Variants in RAPGEF2 observed in about 807,000 individuals in gnomAD.
RAPGEF2 encodes the protein Rap guanine nucleotide exchange factor 2, also known as PDZ domain containing guanine nucleotide exchange factor (GEF) 1.
RAPGEF2 carries 54 observed loss-of-function variants against 186.7 expected under a neutral mutation model. The ratio of observed to expected loss-of-function variants is 0.29; its 90% CI spans 0.23 to 0.36. The LOEUF is 0.36. RAPGEF2 is among the 10% of genes least tolerant of loss of function. The pLI is 1.00. For synonymous variants in RAPGEF2, 712 were observed against 705.9 expected, an observed-to-expected ratio of 1.01 and a Z score of -0.14; for missense variants, 1,532 against 2,045.0, an observed-to-expected ratio of 0.75 and a Z score of 4.84.
At chr4:159,294,682 C>CCTTCCTTCCTTCCTTCCTTG (rs1177593819) in intron 7 of RAPGEF2, among the ~76,000 whole-genome samples, 2 of 151,474 alleles carry the variant, frequency 1.3e-5, no homozygotes, top group Non-Finnish European at 2.9e-5. Context: ...TTCCTTCCTT[C>CCTTCCTTCCTTCCTTCCTTG]CTTCCTTCTT....
At chr4:159,142,250 G>C (rs776066810) in intron 1 of RAPGEF2, among the ~76,000 whole-genome samples, 1 of 152,140 alleles carries the variant, frequency 6.6e-6, no homozygotes, top group Admixed American at 6.5e-5. Flanking sequence ...GTTGTCGTCA[G>C]AAGTTAATGG....
chr4:159,141,867 A>C (rs2111164960), intron 1 of RAPGEF2, among the ~76,000 whole-genome samples: 1 of 152,274 alleles, frequency 6.6e-6, no homozygotes, highest in Admixed American at 6.5e-5. Context: ...TACTTCAGTT[A>C]TAAATAATTT....
intron 7 of RAPGEF2, among the ~76,000 whole-genome samples, chr4:159,299,451 G>A (rs973230286): frequency 3.3e-5 from 5 of 150,158 alleles, no homozygotes; most frequent in Admixed American, 6.6e-5. Flanking sequence ...AAAAGACAGA[G>A]AGAATAAGCC....
intron 8 of RAPGEF2, among the ~76,000 whole-genome samples, chr4:159,312,156 T>G (rs566853237): frequency 6.6e-6 from 1 of 152,152 alleles, no homozygotes; most frequent in Non-Finnish European, 1.5e-5. Flanking sequence ...TTGCATACAT[T>G]AGATGTTTTA....
At chr4:159,168,464 C>G (rs1745564990) in intron 1 of RAPGEF2, among the ~76,000 whole-genome samples, 1 of 151,690 alleles carries the variant, frequency 6.6e-6, no homozygotes, top group Non-Finnish European at 1.5e-5. Context: ...CTCCCCAGTT[C>G]ATTGCAAAGG....
At chr4:159,144,094 C>G (rs373130141) in intron 1 of RAPGEF2, among the ~76,000 whole-genome samples, 4 of 152,184 alleles carry the variant, frequency 2.6e-5, no homozygotes, top group Non-Finnish European at 4.4e-5. Context: ...AGAGTCCTCC[C>G]TTTAACCTGG....
At chr4:159,307,966 G>A (rs186584725) in intron 8 of RAPGEF2, among the ~76,000 whole-genome samples, 1,711 of 152,166 alleles carry the variant, frequency 0.011, 28 homozygotes, top group East Asian at 0.054. Flanking sequence ...GCAAGACTCC[G>A]TCTCAAAAAA....
intron 17 of RAPGEF2, among the ~76,000 whole-genome samples, chr4:159,336,817 A>G (rs1176800254): frequency 6.6e-6 from 1 of 152,130 alleles, no homozygotes; most frequent in East Asian, 1.9e-4. Context: ...TCAAGCCCCA[A>G]TGTGTGAAAA....
chr4:159,128,343 A>G (rs921402436), intron 1 of RAPGEF2, among the ~76,000 whole-genome samples: 1 of 152,140 alleles, frequency 6.6e-6, no homozygotes, highest in African/African-American at 2.4e-5. Flanking sequence ...TCTCACCTGT[A>G]AAATGGAACA....
chr4:159,158,638 A>G (rs1457273990), intron 1 of RAPGEF2, among the ~76,000 whole-genome samples: 1 of 152,152 alleles, frequency 6.6e-6, no homozygotes, highest in African/African-American at 2.4e-5. Flanking sequence ...GGTGGTCGCA[A>G]ACAAAAAAAA....
At chr4:159,189,562 G>A (rs1178448244) in intron 2 of RAPGEF2, among the ~76,000 whole-genome samples, 2 of 152,172 alleles carry the variant, frequency 1.3e-5, no homozygotes, top group Non-Finnish European at 2.9e-5. Flanking sequence ...AGAGCCTGCT[G>A]AAATAAAATA....
intron 7 of RAPGEF2, among the ~76,000 whole-genome samples, chr4:159,250,880 C>T (rs962238741): frequency 1.3e-5 from 2 of 152,076 alleles, no homozygotes; most frequent in African/African-American, 4.8e-5. Flanking sequence ...CTGGGCTGGG[C>T]GTGGCCGGAG....
chr4:159,305,295 A>G (rs1034789674), intron 8 of RAPGEF2, among the ~76,000 whole-genome samples: 3 of 152,164 alleles, frequency 2.0e-5, no homozygotes, highest in Non-Finnish European at 4.4e-5. Flanking sequence ...TTACATTCCC[A>G]CCAGCTGCAT....
chr4:159,174,622 C>G (rs1746261967), intron 1 of RAPGEF2, among the ~76,000 whole-genome samples: 1 of 152,158 alleles, frequency 6.6e-6, no homozygotes, highest in South Asian at 2.1e-4. Context: ...GTGGAAAACA[C>G]TTGAGGAAGT....
At chr4:159,106,162 T>C (rs1737857336) in intron 1 of RAPGEF2, among the ~76,000 whole-genome samples, 1 of 152,244 alleles carries the variant, frequency 6.6e-6, no homozygotes, top group South Asian at 2.1e-4. Flanking sequence ...GAAAGCTTTA[T>C]TGACAGTCGG....
intron 7 of RAPGEF2, among the ~76,000 whole-genome samples, chr4:159,252,383 T>A (rs1051051333): frequency 4.6e-5 from 7 of 152,188 alleles, no homozygotes; most frequent in Non-Finnish European, 7.4e-5. Context: ...TTAAAAAAAA[T>A]GTTTCAATCA....
chr4:159,310,416 T>C (rs992111779), intron 8 of RAPGEF2, among the ~76,000 whole-genome samples: 9 of 152,158 alleles, frequency 5.9e-5, no homozygotes, highest in Non-Finnish European at 8.8e-5. Flanking sequence ...AAGTGCTTAC[T>C]GATAAAACAT....
At chr4:159,198,395 C>CCTCTCTCTTCCTCT (rs1749039130) in intron 3 of RAPGEF2, among the ~76,000 whole-genome samples, 1 of 122,358 alleles carries the variant, frequency 8.2e-6, no homozygotes, top group Admixed American at 7.9e-5. Context: ...TTCCTTCCTT[C>CCTCTCTCTTCCTCT]CTCTCTCTTC....
chr4:159,330,263 A>ATGTGTGTG (rs1278340762), intron 12 of RAPGEF2, 71 bp from the exon 13 acceptor site: 15 of 410,488 alleles, frequency 3.7e-5, no homozygotes, highest in African/African-American at 2.8e-4. Flanking sequence ...GTGTATATGT[A>ATGTGTGTG]TATGTGTGTG....
Sources: allele counts gnomAD v4.1 joint callset (sites outside exome capture counted in the v4.1 genomes callset), GRCh38; gene constraint gnomAD v4.1.1; transcripts MANE v1.5; gene names NCBI Gene and HGNC (gene_info 2026-07-23, HGNC 2026-07-21).